Variants in CPSF3 observed in about 807,000 individuals in gnomAD.
CPSF3 encodes the protein cleavage and polyadenylation specificity factor subunit 3.
Under a neutral mutation model 84.1 loss-of-function variants are expected in CPSF3, and 57 were observed. The observed-to-expected ratio is 0.68, with a 90% CI of 0.55 to 0.85. The LOEUF (loss-of-function observed/expected upper bound fraction) is 0.85, where lower values mean the gene tolerates loss of function less well. Among genes scored for constraint, CPSF3 ranks in the 40% least tolerant of loss-of-function variants. CPSF3 has a pLI of 0.00. For missense variants in CPSF3, 522 were observed against 838.8 expected, an observed-to-expected ratio of 0.62 and a Z score of 4.66; for synonymous variants, 275 against 278.1, an observed-to-expected ratio of 0.99 and a Z score of 0.11.
At position 9,429,786 on chromosome 2, in the gene CPSF3, A is replaced by G. The variant is rs568661420; in HGVS notation, c.115-137A>G. On this transcript the variant is annotated intron_variant, in intron 2 of 17. Transcript: ENST00000238112. ...AATGGCATATTTGCCACATTTAATA[A>G]GAATCATGTTCCAAGTGCTAGTGCC... is the stretch of plus-strand genomic sequence containing the variant. 6.5e-5 allele frequency: 38 copies of G among 583,344 alleles called. No homozygotes were observed. The South Asian group carries it at 8.0e-4, about 12-fold the overall frequency. 36.1% of individuals were successfully genotyped at this position (583,344 alleles called of 1,614,324 possible).
At chr2:9,464,069 A>ATGTGTG (rs59473921) in intron 15 of CPSF3, among the ~76,000 whole-genome samples, 14 of 149,212 alleles carry the variant, frequency 9.4e-5, no homozygotes, top group African/African-American at 3.0e-4. Context: ...TCTGTGGTGT[A>ATGTGTG]TGTGTGTGTG....
chr2:9,463,980 G>C (rs1681818997), intron 15 of CPSF3, among the ~76,000 whole-genome samples: 1 of 152,086 alleles, frequency 6.6e-6, no homozygotes, highest in African/African-American at 2.4e-5. Context: ...ATTCTTCCTT[G>C]ATGGCATTTT....
chr2:9,452,957 G>T lies in CPSF3; in HGVS notation c.1440G>T (p.Arg480=), dbSNP rs1681387409. 1 of 1,611,460 alleles carries T rather than the reference G, an allele frequency of 6.2e-7. No homozygotes were observed. The highest frequency in any genetic ancestry group is 8.5e-7 in the Non-Finnish European group (1 of 1,179,336). The part of the protein sequence containing the change: ...LADKKPEQGQ[R]VSGILVKRNF... Reference sequence around the variant, plus strand: ...ACAAAAAACCAGAACAAGGCCAGCGGGTCTCAGGAATACTTGTTAAAAGAA... The same window carrying T: ...ACAAAAAACCAGAACAAGGCCAGCGTGTCTCAGGAATACTTGTTAAAAGAA... Residue 480 remains arginine (R), a synonymous_variant, in exon 12 of 18, where the codon CGG becomes CGT. Coordinates refer to ENST00000238112, the MANE Select transcript of CPSF3 (RefSeq NM_016207.4).
rs1212501360 is a variant in CPSF3, at chr2:9,441,903, T to C, written c.1022T>C (p.Phe341Ser). Reference protein sequence around the residue: ...MMQSGLSRELFESWCTDKRNG... With the variant: ...MMQSGLSRELSESWCTDKRNG... Reference sequence around the variant, plus strand: ...CAAAGTGGCTTATCCAGAGAATTATTTGAAAGCTGGTGTACTGATAAGAGG... The same window carrying C: ...CAAAGTGGCTTATCCAGAGAATTATCTGAAAGCTGGTGTACTGATAAGAGG... The change falls in exon 9 of 18, where the codon TTT becomes TCT. Residue 341 changes from phenylalanine to serine, a missense_variant. Phe to Ser is a radical substitution (Grantham distance 155). Transcript: ENST00000238112. 1 of 1,614,152 alleles carries C rather than the reference T, an allele frequency of 6.2e-7. No homozygotes were observed. Among genetic ancestry groups the C allele is most frequent in the Non-Finnish European group, 8.5e-7 (1 of 1,180,022 alleles).
At chr2:9,454,094 ATATGTGCTT>A (rs1681428189) in intron 12 of CPSF3, among the ~76,000 whole-genome samples, 1 of 152,064 alleles carries the variant, frequency 6.6e-6, no homozygotes, top group Non-Finnish European at 1.5e-5. Flanking sequence ...CTAATACATT[ATATGTGCTT>A]TATGCAGGAA....
At chr2:9,467,655 T>C in intron 15 of CPSF3, 52 bp from the exon 16 acceptor site, 3 of 1,344,176 alleles carry the variant, frequency 2.2e-6, no homozygotes, top group Non-Finnish European at 3.2e-6. Flanking sequence ...TTGGAAATTA[T>C]TCTGAATAGG....
chr2:9,431,502 T>G (rs1030801112), intron 4 of CPSF3, among the ~76,000 whole-genome samples: 1 of 151,524 alleles, frequency 6.6e-6, no homozygotes, highest in Non-Finnish European at 1.5e-5. Flanking sequence ...GTATATTAAC[T>G]TCACACAAAG....
rs1374042328 is a variant in CPSF3, at chr2:9,471,877, CT to C, written c.1953+439del. Among the ~76,000 whole-genome samples the C allele has an allele frequency of 4.0e-5, 6 of 151,664 alleles. No homozygotes were observed. The East Asian group carries it at 1.2e-3, about 29-fold the overall frequency. On this transcript the variant is annotated intron_variant, in intron 17 of 17. Coordinates refer to ENST00000238112, the MANE Select transcript of CPSF3 (RefSeq NM_016207.4). Reference sequence around the variant, plus strand: ...AAAAATTAGCCGGGAATGGCGGCAGCTGCCTGTAGTCCCAGCTACTCAGGAG... The same window carrying C: ...AAAAATTAGCCGGGAATGGCGGCAGCGCCTGTAGTCCCAGCTACTCAGGAG...
chr2:9,456,002 AT>A (rs896658695), intron 13 of CPSF3, among the ~76,000 whole-genome samples: 41 of 152,056 alleles, frequency 2.7e-4, no homozygotes, highest in Non-Finnish European at 3.8e-4. Context: ...ATATACTCAA[AT>A]TTTTTTTAAT....
chr2:9,427,197 A>G (rs1680423260), intron 1 of CPSF3, among the ~76,000 whole-genome samples: 1 of 152,230 alleles, frequency 6.6e-6, no homozygotes, highest in Non-Finnish European at 1.5e-5. Context: ...TACGTAGAGT[A>G]GAATGGTGGA....
intron 3 of CPSF3, 37 bp from the exon 4 acceptor site, chr2:9,430,715 T>C: frequency 6.3e-7 from 1 of 1,582,874 alleles, no homozygotes; most frequent in Non-Finnish European, 8.6e-7. Flanking sequence ...TGATGGATAA[T>C]AATTTTAAGA....
intron 10 of CPSF3, among the ~76,000 whole-genome samples, chr2:9,446,581 A>G (rs1386352858): frequency 2.9e-5 from 1 of 34,022 alleles, no homozygotes; most frequent in Non-Finnish European, 8.8e-5. Flanking sequence ...ACTCGGTCTC[A>G]AAAAAAAAAA....
At chr2:9,468,910 A>G (rs1227842796) in intron 16 of CPSF3, among the ~76,000 whole-genome samples, 1 of 151,810 alleles carries the variant, frequency 6.6e-6, no homozygotes, top group African/African-American at 2.4e-5. Flanking sequence ...AGAGGTGTGA[A>G]CCCCCGTGCC....
In CPSF3 at chr2:9,455,696, C is replaced by T. The variant is rs757853322; in HGVS notation, c.1542C>T (p.Thr514=). Residue 514 remains threonine (T), a synonymous_variant, in exon 13 of 18, where the codon ACC becomes ACT. Transcript: ENST00000238112. ...TGGCCATGAGCACGGTGAAGCAGAC[C>T]CAAGCCATTCCATATACTGGTCCCT... is the stretch of plus-strand genomic sequence containing the variant. ...TDLAMSTVKQ[T]QAIPYTGPFN... 6.2e-7 allele frequency: 1 copy of T among 1,614,044 alleles called. No homozygotes were observed. Among genetic ancestry groups the T allele is most frequent in the South Asian group, 1.1e-5 (1 of 91,072 alleles).
chr2:9,455,870 T>G (rs1212148209), intron 13 of CPSF3, 113 bp downstream of exon 13: 2 of 715,060 alleles, frequency 2.8e-6, no homozygotes, highest in Non-Finnish European at 4.5e-6. Flanking sequence ...ATTGTGTAAG[T>G]TTTATAAATA....
At chr2:9,424,746 C>A (rs1680300698) in intron 1 of CPSF3, 1 of 152,162 alleles carries the variant, frequency 6.6e-6, no homozygotes, top group African/African-American at 2.4e-5. Flanking sequence ...GATATAGACG[C>A]AACAGAGGGC....
chr2:9,427,787 G>T (rs939304360), intron 1 of CPSF3, among the ~76,000 whole-genome samples: 1 of 152,126 alleles, frequency 6.6e-6, no homozygotes, highest in African/African-American at 2.4e-5. Context: ...GAGCTAGAAT[G>T]GTTGGGAAAA....
intron 10 of CPSF3, among the ~76,000 whole-genome samples, chr2:9,444,377 C>T (rs1681059120): frequency 1.3e-5 from 2 of 151,756 alleles, no homozygotes; most frequent in Admixed American, 6.6e-5. Context: ...ACACCCGCCT[C>T]GGCCTCCCAA....
chr2:9,453,143 G>A, intron 12 of CPSF3, 122 bp downstream of exon 12: 5 of 592,612 alleles, frequency 8.4e-6, no homozygotes, highest in Non-Finnish European at 1.4e-5. Flanking sequence ...AAAGGAATGA[G>A]GCAAGTTAGC....
Sources: gnomAD v4.1 joint callset for allele counts (sites outside exome capture counted in the v4.1 genomes callset) on GRCh38, gnomAD v4.1.1 for gene constraint, MANE v1.5 for transcripts, NCBI Gene and HGNC (gene_info 2026-07-23, HGNC 2026-07-21) for gene names.